SPAG16: variants seen among roughly 807,000 people sequenced by gnomAD.
SPAG16 encodes sperm-associated antigen 16 protein.
SPAG16 carries 86 observed loss-of-function variants against 80.4 expected under a neutral mutation model. The ratio of observed to expected loss-of-function variants is 1.07; its 90% CI spans 0.90 to 1.28. The LOEUF is 1.28. SPAG16 is among the 50% of genes most tolerant of loss of function. The pLI is 0.00. For synonymous variants in SPAG16, 294 were observed against 265.9 expected, an observed-to-expected ratio of 1.11 and a Z score of -1.03; for missense variants, 870 against 765.3, an observed-to-expected ratio of 1.14 and a Z score of -1.61.
intron 11 of SPAG16, among the ~76,000 whole-genome samples, chr2:213,911,551 C>A (rs1470434278): frequency 6.6e-6 from 1 of 152,122 alleles, no homozygotes; most frequent in Non-Finnish European, 1.5e-5. Flanking sequence ...ATAGGAAATA[C>A]TATGTGTTGC....
At chr2:213,713,161 T>C (rs1013712035) in intron 10 of SPAG16, among the ~76,000 whole-genome samples, 6 of 152,142 alleles carry the variant, frequency 3.9e-5, no homozygotes, top group Non-Finnish European at 7.4e-5. Context: ...TCACCTCCTC[T>C]GAGGTCCCTC....
At chr2:213,968,034 C>T (rs12473521) in intron 12 of SPAG16, among the ~76,000 whole-genome samples, 8,297 of 152,170 alleles carry the variant, frequency 0.055, 268 homozygotes, top group South Asian at 0.11. Flanking sequence ...CACACAGCTG[C>T]CGCAATTTGT....
intron 15 of SPAG16, among the ~76,000 whole-genome samples, chr2:214,315,602 G>C (rs1695632543): frequency 1.3e-5 from 2 of 151,912 alleles, no homozygotes; most frequent in African/African-American, 4.8e-5. Flanking sequence ...CACAATAACA[G>C]CTCCCTGCAA....
chr2:214,051,386 C>A (rs1274038452), intron 13 of SPAG16, among the ~76,000 whole-genome samples: 1 of 152,184 alleles, frequency 6.6e-6, no homozygotes, highest in Non-Finnish European at 1.5e-5. Context: ...CATTAGGAAT[C>A]TGCAGAAGCC....
At chr2:213,482,122 A>C (rs2073777452) in intron 9 of SPAG16, among the ~76,000 whole-genome samples, 2 of 152,256 alleles carry the variant, frequency 1.3e-5, no homozygotes, top group Non-Finnish European at 1.5e-5. Flanking sequence ...AGCAAAATAT[A>C]TCTCTCTTGT....
intron 12 of SPAG16, 91 bp downstream of exon 12, chr2:213,930,236 T>C (rs1379151763): frequency 3.3e-6 from 3 of 906,638 alleles, no homozygotes; most frequent in Non-Finnish European, 4.8e-6. Flanking sequence ...TCCTTGATGC[T>C]ACCCCAGGGA....
chr2:213,381,032 A>G (rs72939055), intron 9 of SPAG16, among the ~76,000 whole-genome samples: 33,493 of 152,142 alleles, frequency 0.22, 4,538 homozygotes, highest in Non-Finnish European at 0.31. Flanking sequence ...CAAGAATACA[A>G]TCAGAAGCCA....
At chr2:214,133,503 A>G (rs948756020) in intron 14 of SPAG16, among the ~76,000 whole-genome samples, 1 of 151,906 alleles carries the variant, frequency 6.6e-6, no homozygotes, top group East Asian at 1.9e-4. Flanking sequence ...TAAAAAATAC[A>G]AAAATTATCC....
intron 13 of SPAG16, among the ~76,000 whole-genome samples, chr2:214,084,797 C>T (rs2125279060): frequency 6.6e-6 from 1 of 152,294 alleles, no homozygotes; most frequent in Non-Finnish European, 1.5e-5. Flanking sequence ...TTACTAATTT[C>T]TTCATCATTC....
chr2:214,410,340 G>A lies in SPAG16; in HGVS notation c.*25G>A. On this transcript the variant is annotated 3_prime_UTR_variant, in exon 16 of 16. Coordinates refer to ENST00000331683, the MANE Select transcript of SPAG16 (RefSeq NM_024532.5). ...ACCGTCAGCACATCCCGCTGCAGAG[G>A]GCATTCCCTTTAAGGCTTGAAAATG... The A allele has an allele frequency of 6.4e-7, 1 of 1,569,106 alleles. No homozygotes were observed. Among genetic ancestry groups the A allele is most frequent in the Non-Finnish European group, 8.7e-7 (1 of 1,149,140 alleles).
chr2:214,035,956 G>A (rs932314920), intron 13 of SPAG16, among the ~76,000 whole-genome samples: 3 of 152,222 alleles, frequency 2.0e-5, no homozygotes, highest in African/African-American at 7.2e-5. Context: ...AGTGGCCGCT[G>A]TAGATTAACC....
intron 10 of SPAG16, among the ~76,000 whole-genome samples, chr2:213,537,892 T>C (rs1428897483): frequency 6.6e-6 from 1 of 152,308 alleles, no homozygotes; most frequent in Non-Finnish European, 1.5e-5. Context: ...CAGACCTTTC[T>C]CAAGCTTACT....
rs184739385 is a variant in SPAG16 at position 213,823,804 on chromosome 2, C to T, written c.1071-38681C>T. Reference sequence around the variant, plus strand: ...ACATGTTTAAGTTCCTTGTAAATTACGGATGTTAGGCCTTTGTCAGATAGG... The same window carrying T: ...ACATGTTTAAGTTCCTTGTAAATTATGGATGTTAGGCCTTTGTCAGATAGG... On this transcript the variant is annotated intron_variant, in intron 10 of 15. Transcript: ENST00000331683. 3.3e-5 allele frequency among the ~76,000 whole-genome samples: 5 copies of T among 150,932 alleles called. No individual in the cohort carries two copies. The Middle Eastern group carries it at 0.01, about 308-fold the overall frequency.
intron 10 of SPAG16, among the ~76,000 whole-genome samples, chr2:213,846,912 G>A (rs2074658354): frequency 6.6e-6 from 1 of 152,166 alleles, no homozygotes; most frequent in Admixed American, 6.5e-5. Flanking sequence ...TTATCTGGAG[G>A]CTATGAGGTA....
At chr2:213,723,857 G>C (rs1246592032) in intron 10 of SPAG16, among the ~76,000 whole-genome samples, 1 of 152,164 alleles carries the variant, frequency 6.6e-6, no homozygotes, top group East Asian at 1.9e-4. Flanking sequence ...TCATTCTATA[G>C]ATAAGAATGG....
At chr2:214,034,727 G>T (rs1331738012) in intron 13 of SPAG16, among the ~76,000 whole-genome samples, 1 of 152,216 alleles carries the variant, frequency 6.6e-6, no homozygotes, top group Admixed American at 6.5e-5. Context: ...GCACCTGGAA[G>T]CTTTAAGATG....
intron 15 of SPAG16, among the ~76,000 whole-genome samples, chr2:214,319,763 C>A (rs1234496729): frequency 6.6e-6 from 1 of 152,124 alleles, no homozygotes. Context: ...GCCTGGAACA[C>A]AATATATGCT....
chr2:213,618,401 CTTGT>C lies in SPAG16; in HGVS notation c.1070+128314_1070+128317del, dbSNP rs1418940836. Among the ~76,000 whole-genome samples the C allele has an allele frequency of 6.6e-5, 10 of 152,264 alleles. No individual in the cohort carries two copies. The South Asian group carries it at 1.9e-3, about 28-fold the overall frequency. On this transcript the variant is annotated intron_variant, in intron 10 of 15. Transcript: ENST00000331683. ...ATTATCTGATTAATAAGCATTTTTA[CTTGT>C]TTAAGATTAGTCTCTTTATGCTGCC...
At position 213,949,490 on chromosome 2, in the gene SPAG16, G is replaced by A. The variant is rs193153397; in HGVS notation, c.1400+19345G>A. Among the ~76,000 whole-genome samples the A allele has an allele frequency of 2.2e-4, 33 of 152,022 alleles. 1 individual carries two copies. The East Asian group carries it at 5.0e-3, about 23-fold the overall frequency. ...CCTACAATAGTTCTTTTTAATGTGC[G>A]TTTTTTACTCATCCAACATGGCTAA... On this transcript the variant is annotated intron_variant, in intron 12 of 15. Transcript: ENST00000331683.
Sources: allele counts gnomAD v4.1 joint callset (sites outside exome capture counted in the v4.1 genomes callset), GRCh38; gene constraint gnomAD v4.1.1; transcripts MANE v1.5; gene names NCBI Gene and HGNC (gene_info 2026-07-23, HGNC 2026-07-21).